ROBO1: variants seen among roughly 807,000 people sequenced by gnomAD.
The protein encoded by ROBO1 is roundabout homolog 1.
Under a neutral mutation model 195.9 loss-of-function variants are expected in ROBO1, and 149 were observed. The ratio of observed to expected loss-of-function variants is 0.76; its 90% CI spans 0.67 to 0.87. The LOEUF is 0.87. Ranked by LOEUF, ROBO1 falls within the 40% of genes least tolerant of loss-of-function variation. The probability of loss-of-function intolerance (pLI) is 0.00; values close to 1 mark genes in which losing one functional copy is unlikely to be tolerated. For synonymous variants in ROBO1, 816 were observed against 733.2 expected (o/e 1.11, Z -1.82); for missense variants, 1,933 against 2,068.3 (o/e 0.93, Z 1.27).
At chr3:78,758,463 C>T (rs1313212034) in intron 4 of ROBO1, among the ~76,000 whole-genome samples, 1 of 141,142 alleles carries the variant, frequency 7.1e-6, no homozygotes, top group Non-Finnish European at 1.5e-5. Flanking sequence ...GTCAAGAAGG[C>T]TTCAGTGAGC....
rs891856076 is a variant in ROBO1 at position 79,688,258 on chromosome 3, T to C, written c.-51+79494A>G. Among the ~76,000 whole-genome samples, 6 of 149,060 alleles carry C rather than the reference T, an allele frequency of 4.0e-5. No individual in the cohort carries two copies. The East Asian group carries it at 8.4e-4, about 21-fold the overall frequency. On this transcript the variant is annotated intron_variant, in intron 1 of 30. Coordinates refer to ENST00000464233, the MANE Select transcript of ROBO1 (RefSeq NM_002941.4). ...GGGGGAGGGATAGCATTAGGAGATA[T>C]ACCTAATGTAAATGACGAGTTAATG... is the stretch of plus-strand genomic sequence containing the variant.
intron 3 of ROBO1, among the ~76,000 whole-genome samples, 173 bp downstream of exon 3, chr3:79,125,283 G>T (rs2080193611): frequency 6.6e-6 from 1 of 152,130 alleles, no homozygotes; most frequent in Non-Finnish European, 1.5e-5. Context: ...TCTTAAAAGT[G>T]TTTACTTTAG....
intron 8 of ROBO1, among the ~76,000 whole-genome samples, chr3:78,695,675 A>C (rs2081273637): frequency 6.6e-6 from 1 of 151,648 alleles, no homozygotes; most frequent in Admixed American, 6.6e-5. Context: ...TTTATAGCCT[A>C]TTAAGGATCT....
intron 2 of ROBO1, chr3:79,532,910 A>C (rs1045578328): frequency 2.5e-5 from 5 of 198,122 alleles, no homozygotes; most frequent in African/African-American, 9.5e-5. Flanking sequence ...ACTTGGATTA[A>C]TCCTTCAACA....
chr3:79,470,524 T>C (rs1223668287), intron 2 of ROBO1, among the ~76,000 whole-genome samples: 1 of 152,050 alleles, frequency 6.6e-6, no homozygotes, highest in Non-Finnish European at 1.5e-5. Flanking sequence ...CAAAAACTGT[T>C]AAATGTTTTT....
rs1436701982 is a variant in ROBO1, at chr3:79,134,107, A to G, written c.89-8568T>C. 5.2e-3 allele frequency among the ~76,000 whole-genome samples: 759 copies of G among 145,994 alleles called. 2 individuals carry two copies. Among genetic ancestry groups the G allele is most frequent in the Middle Eastern group, 0.01 (3 of 294 alleles). Reference sequence around the variant, plus strand: ...CCATCAGAGTGAACAGGCAACCTACAACATGGGAGAAAATTTTCGCAACCT... The same window carrying G: ...CCATCAGAGTGAACAGGCAACCTACGACATGGGAGAAAATTTTCGCAACCT... On this transcript the variant is annotated intron_variant, in intron 2 of 30. Coordinates refer to ENST00000464233, the MANE Select transcript of ROBO1 (RefSeq NM_002941.4).
intron 1 of ROBO1, among the ~76,000 whole-genome samples, chr3:79,683,673 G>C (rs1019757384): frequency 6.6e-6 from 1 of 151,838 alleles, no homozygotes; most frequent in Non-Finnish European, 1.5e-5. Flanking sequence ...GCCTATTCTG[G>C]GCATTTCATA....
intron 28 of ROBO1, 47 bp downstream of exon 28, chr3:78,614,601 A>G (rs368969165): frequency 1.3e-5 from 21 of 1,601,762 alleles, no homozygotes; most frequent in Non-Finnish European, 1.6e-5. Flanking sequence ...GAGGCAGGGT[A>G]AATAGGCGAG....
intron 5 of ROBO1, among the ~76,000 whole-genome samples, chr3:78,735,404 C>A (rs2082371161): frequency 6.6e-6 from 1 of 152,128 alleles, no homozygotes; most frequent in African/African-American, 2.4e-5. Context: ...AGGGCAGTTT[C>A]AAAAATGTGC....
chr3:79,384,917 T>C (rs1475521724), intron 2 of ROBO1, among the ~76,000 whole-genome samples: 1 of 152,084 alleles, frequency 6.6e-6, no homozygotes, highest in African/African-American at 2.4e-5. Context: ...AGGAAAGTTA[T>C]GCATCTTCTC....
chr3:79,639,921 T>C (rs1945606747), intron 1 of ROBO1, among the ~76,000 whole-genome samples: 1 of 152,200 alleles, frequency 6.6e-6, no homozygotes, highest in South Asian at 2.1e-4. Context: ...GATTCTTTGA[T>C]ATTTAGTGAG....
intron 2 of ROBO1, among the ~76,000 whole-genome samples, chr3:79,280,245 A>G (rs1002817088): frequency 6.6e-6 from 1 of 152,202 alleles, no homozygotes; most frequent in Non-Finnish European, 1.5e-5. Context: ...GAATGTTCCC[A>G]AATCAAAGAA....
In ROBO1 at chr3:78,806,826, G is replaced by A. The variant is rs562100745; in HGVS notation, c.500-59926C>T. On this transcript the variant is annotated intron_variant, in intron 4 of 30. Coordinates refer to ENST00000464233, the MANE Select transcript of ROBO1 (RefSeq NM_002941.4). Reference sequence around the variant, plus strand: ...TTTTTAAATATCTTTTTTTTTTCCCGATACAGAGTCTCACTCTGTTGCCCA... The same window carrying A: ...TTTTTAAATATCTTTTTTTTTTCCCAATACAGAGTCTCACTCTGTTGCCCA... 8.0e-5 allele frequency among the ~76,000 whole-genome samples: 12 copies of A among 149,168 alleles called. No homozygotes were observed. The South Asian group carries it at 2.3e-3, about 29-fold the overall frequency.
intron 5 of ROBO1, among the ~76,000 whole-genome samples, chr3:78,738,678 C>T (rs956436563): frequency 6.6e-6 from 1 of 152,034 alleles, no homozygotes; most frequent in South Asian, 2.1e-4. Context: ...ATTTCTAACA[C>T]CAGGACCATC....
intron 3 of ROBO1, among the ~76,000 whole-genome samples, chr3:78,989,177 T>C (rs559091614): frequency 3.3e-5 from 5 of 152,256 alleles, no homozygotes; most frequent in African/African-American, 1.2e-4. Flanking sequence ...AAGGAGGATA[T>C]TGAAGGTTCC....
intron 3 of ROBO1, among the ~76,000 whole-genome samples, chr3:79,075,161 A>G (rs1269471863): frequency 1.3e-5 from 2 of 151,806 alleles, no homozygotes; most frequent in African/African-American, 2.4e-5. Flanking sequence ...TACATTTGGT[A>G]ACATCATCAT....
chr3:78,699,831 C>T (rs1263918769), intron 8 of ROBO1, among the ~76,000 whole-genome samples: 1 of 151,878 alleles, frequency 6.6e-6, no homozygotes, highest in Non-Finnish European at 1.5e-5. Flanking sequence ...TCTGTTTATA[C>T]TGTACCCTGG....
In ROBO1 at chr3:79,473,898, C is replaced by A. The variant is rs1938413113; in HGVS notation, c.88+115926G>T. On this transcript the variant is annotated intron_variant, in intron 2 of 30. Transcript: ENST00000464233. ...TTATGCATTTCATACCGAATACCAA[C>A]TTCCTATTAGCCAGAGAGCAAAAAA... Among the ~76,000 whole-genome samples the A allele has an allele frequency of 3.9e-5, 6 of 152,210 alleles. No individual in the cohort carries two copies. In the South Asian group the frequency reaches 1.2e-3, roughly 32 times the overall value.
intron 2 of ROBO1, among the ~76,000 whole-genome samples, chr3:79,292,577 T>G (rs1464592970): frequency 6.6e-6 from 1 of 152,224 alleles, no homozygotes; most frequent in African/African-American, 2.4e-5. Context: ...TTGAGGGTTT[T>G]TAGCATGAAG....
Sources: gnomAD v4.1 joint callset for allele counts (sites outside exome capture counted in the v4.1 genomes callset) on GRCh38, gnomAD v4.1.1 for gene constraint, MANE v1.5 for transcripts, NCBI Gene and HGNC (gene_info 2026-07-23, HGNC 2026-07-21) for gene names.